Variants in CACNA2D3 observed in about 807,000 individuals in gnomAD.
CACNA2D3 encodes the protein voltage-dependent calcium channel subunit alpha-2/delta-3.
In CACNA2D3, 60 loss-of-function variants were observed where a neutral mutation model predicts 160.6. The ratio of observed to expected loss-of-function variants is 0.37; its 90% CI spans 0.30 to 0.46. The LOEUF (loss-of-function observed/expected upper bound fraction) is 0.46. Among genes scored for constraint, CACNA2D3 ranks in the 20% least tolerant of loss-of-function variants. CACNA2D3 has a pLI of 1.00. For missense variants in CACNA2D3, 1,205 were observed against 1,365.0 expected, an observed-to-expected ratio of 0.88 and a Z score of 1.85; for synonymous variants, 558 against 492.9, an observed-to-expected ratio of 1.13 and a Z score of -1.75.
At chr3:54,977,449 A>G (rs924774906) in intron 29 of CACNA2D3, among the ~76,000 whole-genome samples, 1 of 152,170 alleles carries the variant, frequency 6.6e-6, no homozygotes, top group Non-Finnish European at 1.5e-5. Flanking sequence ...TTGTACCTGT[A>G]TTGCATTGCT....
chr3:54,780,872 C>T (rs1370718893), intron 13 of CACNA2D3, among the ~76,000 whole-genome samples: 1 of 152,180 alleles, frequency 6.6e-6, no homozygotes, highest in Non-Finnish European at 1.5e-5. Flanking sequence ...TAGCACTTGA[C>T]AATCTGCTTC....
intron 12 of CACNA2D3, among the ~76,000 whole-genome samples, chr3:54,762,455 G>A (rs1166553821): frequency 6.6e-6 from 1 of 152,180 alleles, no homozygotes; most frequent in African/African-American, 2.4e-5. Context: ...GTAAGTTTTA[G>A]CTTAATGTTG....
In CACNA2D3 at chr3:54,149,785, G is replaced by C. The variant is rs1363139463; in HGVS notation, c.204+26191G>C. Among the ~76,000 whole-genome samples the C allele has an allele frequency of 2.0e-5, 3 of 152,170 alleles. No homozygotes were observed. In the East Asian group the frequency reaches 5.8e-4, roughly 29 times the overall value. Reference sequence around the variant, plus strand: ...ACCTCCAGGTTCTCTGAGATTTAAAGAAGTTTGGTTAGGGGGAAGACGGAC... The same window carrying C: ...ACCTCCAGGTTCTCTGAGATTTAAACAAGTTTGGTTAGGGGGAAGACGGAC... On this transcript the variant is annotated intron_variant, in intron 2 of 37. Coordinates refer to ENST00000474759, the MANE Select transcript of CACNA2D3 (RefSeq NM_018398.3).
intron 11 of CACNA2D3, among the ~76,000 whole-genome samples, chr3:54,739,697 G>T (rs1701605384): frequency 1.3e-5 from 2 of 151,720 alleles, no homozygotes; most frequent in African/African-American, 4.8e-5. Flanking sequence ...AGCTCTTTGT[G>T]GGGAGGGTGC....
chr3:54,175,858 G>C (rs1337778148), intron 2 of CACNA2D3, among the ~76,000 whole-genome samples: 1 of 152,098 alleles, frequency 6.6e-6, no homozygotes, highest in Non-Finnish European at 1.5e-5. Context: ...CAGTGGGCTT[G>C]AAGAGCATAC....
chr3:54,999,627 G>T (rs2107130101), intron 31 of CACNA2D3, among the ~76,000 whole-genome samples: 1 of 152,268 alleles, frequency 6.6e-6, no homozygotes, highest in East Asian at 1.9e-4. Flanking sequence ...CTAATTTGAT[G>T]AATCATTACA....
intron 3 of CACNA2D3, among the ~76,000 whole-genome samples, chr3:54,385,445 TG>T (rs1321208282): frequency 6.6e-6 from 1 of 152,214 alleles, no homozygotes; most frequent in Non-Finnish European, 1.5e-5. Context: ...TGATGTTCTC[TG>T]GGGATTGTTC....
In CACNA2D3 at chr3:54,822,783, TTTC is replaced by T. The variant is rs1559595562; in HGVS notation, c.1398+5916_1398+5918del. On this transcript the variant is annotated intron_variant, in intron 14 of 37. Transcript: ENST00000474759. ...CTTTCTTTCTTTCTTTCTTTCTTTCTTTCTTTCCTTTCTTTCTTTCTTTCTTTC... is the reference window on the plus strand; with the variant it reads ...CTTTCTTTCTTTCTTTCTTTCTTTCTTTTCCTTTCTTTCTTTCTTTCTTTC... Among the ~76,000 whole-genome samples, 152 of 82,468 alleles carry T rather than the reference TTTC, an allele frequency of 1.8e-3. 4 individuals carry two copies. The highest frequency in any genetic ancestry group is 2.8e-3 in the East Asian group (7 of 2,476). 54.1% of individuals were successfully genotyped at this position (82,468 alleles called of 152,430 possible).
chr3:54,180,287 G>C (rs1033251107), intron 2 of CACNA2D3, among the ~76,000 whole-genome samples: 5 of 152,110 alleles, frequency 3.3e-5, no homozygotes, highest in African/African-American at 1.2e-4. Flanking sequence ...ACCATGCTCA[G>C]GCCCATCTGC....
At chr3:54,137,121 T>C (rs1699827953) in intron 2 of CACNA2D3, among the ~76,000 whole-genome samples, 1 of 152,202 alleles carries the variant, frequency 6.6e-6, no homozygotes, top group Admixed American at 6.5e-5. Flanking sequence ...CTGGAGCTGC[T>C]CTTCCCCTGA....
At chr3:54,181,281 T>C (rs1700777948) in intron 2 of CACNA2D3, among the ~76,000 whole-genome samples, 1 of 152,234 alleles carries the variant, frequency 6.6e-6, no homozygotes, top group African/African-American at 2.4e-5. Context: ...TTAATCAAGA[T>C]ACTCATATTT....
At chr3:54,309,191 T>C (rs933191888) in intron 2 of CACNA2D3, among the ~76,000 whole-genome samples, 1 of 152,214 alleles carries the variant, frequency 6.6e-6, no homozygotes. Context: ...GACTGTTGGA[T>C]TTTGTTTAGT....
chr3:54,627,274 AAAGG>A (rs1699141271), intron 9 of CACNA2D3, among the ~76,000 whole-genome samples: 1 of 152,228 alleles, frequency 6.6e-6, no homozygotes, highest in African/African-American at 2.4e-5. Flanking sequence ...ATGGAGTCAC[AAAGG>A]AAGCATTCTA....
intron 12 of CACNA2D3, among the ~76,000 whole-genome samples, chr3:54,761,321 G>A (rs546001716): frequency 6.6e-6 from 1 of 152,286 alleles, no homozygotes; most frequent in Admixed American, 6.5e-5. Flanking sequence ...GAGCTATTGA[G>A]TTGTGTCTCC....
At chr3:54,276,295 C>T (rs905141659) in intron 2 of CACNA2D3, among the ~76,000 whole-genome samples, 15 of 152,140 alleles carry the variant, frequency 9.9e-5, no homozygotes, top group African/African-American at 2.4e-4. Context: ...AGAGGCCAGA[C>T]GCAGTGGCTC....
intron 28 of CACNA2D3, 134 bp from the exon 29 acceptor site, chr3:54,969,666 A>G (rs968418293): frequency 2.0e-5 from 13 of 651,060 alleles, no homozygotes; most frequent in Admixed American, 8.0e-5. Flanking sequence ...TTCCTTTTCA[A>G]TGAAATTGGG....
intron 11 of CACNA2D3, among the ~76,000 whole-genome samples, chr3:54,695,733 A>G (rs1329447954): frequency 6.6e-6 from 1 of 152,144 alleles, no homozygotes; most frequent in Non-Finnish European, 1.5e-5. Flanking sequence ...ATGACTCAAG[A>G]CTTTTGCCTC....
intron 4 of CACNA2D3, among the ~76,000 whole-genome samples, chr3:54,478,679 T>TATATATATATA (rs1559493334): frequency 2.1e-5 from 1 of 47,766 alleles, no homozygotes; most frequent in Non-Finnish European, 5.0e-5. Flanking sequence ...TATATATATA[T>TATATATATATA]TGCTTGTCAT....
chr3:54,305,790 C>G (rs1367809725), intron 2 of CACNA2D3, among the ~76,000 whole-genome samples: 1 of 152,200 alleles, frequency 6.6e-6, no homozygotes, highest in African/African-American at 2.4e-5. Flanking sequence ...CTTTCACTAA[C>G]CTCTAACCAA....
Sources: allele counts gnomAD v4.1 joint callset (sites outside exome capture counted in the v4.1 genomes callset), GRCh38; gene constraint gnomAD v4.1.1; transcripts MANE v1.5; gene names NCBI Gene and HGNC (gene_info 2026-07-23, HGNC 2026-07-21).